Variants in SUCLG2 observed in about 807,000 individuals in gnomAD.
The protein encoded by SUCLG2 is succinate--CoA ligase [GDP-forming] subunit beta, mitochondrial.
A neutral mutation model predicts 47.9 loss-of-function variants in SUCLG2; 42 were observed. That is an observed-to-expected ratio of 0.88 (90% CI 0.69 to 1.14). The LOEUF (loss-of-function observed/expected upper bound fraction) is 1.14, where lower values mean the gene tolerates loss of function less well. Ranked by LOEUF, SUCLG2 falls within the 50% of genes most tolerant of loss-of-function variation. The pLI is 0.00. For synonymous variants in SUCLG2, 195 were observed against 197.3 expected (o/e 0.99, Z 0.10); for missense variants, 571 against 525.9 (o/e 1.09, Z -0.84).
chr3:67,472,910 G>A (rs1226770148), intron 9 of SUCLG2, among the ~76,000 whole-genome samples: 1 of 152,088 alleles, frequency 6.6e-6, no homozygotes, highest in Non-Finnish European at 1.5e-5. Flanking sequence ...AGGCAGCTAA[G>A]TATCTTAAAC....
At chr3:67,564,247 T>C (rs899112658) in intron 2 of SUCLG2, among the ~76,000 whole-genome samples, 2 of 152,186 alleles carry the variant, frequency 1.3e-5, no homozygotes, top group African/African-American at 4.8e-5. Context: ...TGGAAGATTA[T>C]CTCCAAAGTA....
At chr3:67,640,293 A>G (rs1260114437) in intron 1 of SUCLG2, among the ~76,000 whole-genome samples, 2 of 152,214 alleles carry the variant, frequency 1.3e-5, no homozygotes, top group Non-Finnish European at 2.9e-5. Flanking sequence ...CATTTTGCAA[A>G]GTTAAGCATG....
intron 9 of SUCLG2, among the ~76,000 whole-genome samples, chr3:67,469,201 A>G (rs927481667): frequency 6.6e-6 from 1 of 152,234 alleles, no homozygotes; most frequent in Non-Finnish European, 1.5e-5. Flanking sequence ...ATACAGAGTT[A>G]TAAGCTGTGG....
chr3:67,517,928 G>A (rs532788926), intron 6 of SUCLG2, among the ~76,000 whole-genome samples: 3 of 152,236 alleles, frequency 2.0e-5, no homozygotes, highest in Admixed American at 6.5e-5. Flanking sequence ...CGAATGAGCT[G>A]TATCACATGC....
At chr3:67,484,917 G>A (rs1705012604) in intron 9 of SUCLG2, among the ~76,000 whole-genome samples, 1 of 152,140 alleles carries the variant, frequency 6.6e-6, no homozygotes, top group Non-Finnish European at 1.5e-5. Context: ...GAGGTTTTTG[G>A]TAAAATAAAT....
chr3:67,497,793 T>C lies in SUCLG2; in HGVS notation c.919+341A>G, dbSNP rs1227694949. On this transcript the variant is annotated intron_variant, in intron 8 of 10. Transcript: ENST00000307227. Reference sequence around the variant, plus strand: ...CCATTTGGAACTGTCTGAAGACATTTATTTTAATTTATTGATTTACATGGG... The same window carrying C: ...CCATTTGGAACTGTCTGAAGACATTCATTTTAATTTATTGATTTACATGGG... Among the ~76,000 whole-genome samples, 5 of 152,202 alleles carry C rather than the reference T, an allele frequency of 3.3e-5. 1 individual carries two copies. Among genetic ancestry groups the C allele is most frequent in the Middle Eastern group, 6.3e-3 (2 of 316 alleles).
chr3:67,652,118 C>T (rs1163230526), intron 1 of SUCLG2, among the ~76,000 whole-genome samples: 2 of 147,718 alleles, frequency 1.4e-5, no homozygotes, highest in East Asian at 4.0e-4. Context: ...TAAGGACGTA[C>T]TATCAATCAA....
intron 2 of SUCLG2, among the ~76,000 whole-genome samples, chr3:67,563,959 C>CAAAAAAAA (rs756674869): frequency 6.4e-5 from 5 of 77,960 alleles, no homozygotes; most frequent in African/African-American, 9.1e-5. Context: ...GACTCTGTCT[C>CAAAAAAAA]AAAAAAAAAA....
chr3:67,609,653 G>C (rs1700493526), intron 1 of SUCLG2, 57 bp from the exon 2 acceptor site: 1 of 1,563,276 alleles, frequency 6.4e-7, no homozygotes, highest in Non-Finnish European at 8.7e-7. Flanking sequence ...AAAAATAAAA[G>C]TCAACCTACA....
intron 10 of SUCLG2, among the ~76,000 whole-genome samples, chr3:67,368,567 T>C (rs1271502127): frequency 6.6e-6 from 1 of 152,088 alleles, no homozygotes; most frequent in Non-Finnish European, 1.5e-5. Context: ...CACTATTTTA[T>C]ATGTTTCCAT....
At chr3:67,435,431 C>G (rs570920703) in intron 9 of SUCLG2, among the ~76,000 whole-genome samples, 1 of 152,006 alleles carries the variant, frequency 6.6e-6, no homozygotes, top group Non-Finnish European at 1.5e-5. Context: ...CACCACATGG[C>G]GATAATGGGT....
At chr3:67,383,067 A>C (rs1702192004) in intron 10 of SUCLG2, among the ~76,000 whole-genome samples, 1 of 152,042 alleles carries the variant, frequency 6.6e-6, no homozygotes, top group African/African-American at 2.4e-5. Flanking sequence ...CAGAGGCAAA[A>C]CTTCTGCTAT....
chr3:67,389,400 G>A (rs904984214), intron 10 of SUCLG2, among the ~76,000 whole-genome samples: 2 of 152,110 alleles, frequency 1.3e-5, no homozygotes, highest in African/African-American at 4.8e-5. Context: ...AAATGGAGAA[G>A]TTATGGTCAT....
At chr3:67,537,480 T>C (rs1706576865) in intron 2 of SUCLG2, among the ~76,000 whole-genome samples, 1 of 152,232 alleles carries the variant, frequency 6.6e-6, no homozygotes, top group Non-Finnish European at 1.5e-5. Flanking sequence ...TGATGGGCAT[T>C]TGGGTTGGTT....
intron 1 of SUCLG2, among the ~76,000 whole-genome samples, chr3:67,622,321 ATCTT>A (rs1006437681): frequency 3.3e-5 from 5 of 152,208 alleles, no homozygotes; most frequent in African/African-American, 1.2e-4. Context: ...ATAGTAAACA[ATCTT>A]AGGAAGATAC....
intron 9 of SUCLG2, among the ~76,000 whole-genome samples, chr3:67,481,698 G>T (rs1704921480): frequency 6.6e-6 from 1 of 152,152 alleles, no homozygotes; most frequent in Non-Finnish European, 1.5e-5. Context: ...TTTTTATTGA[G>T]CCTTAAAAAG....
intron 2 of SUCLG2, among the ~76,000 whole-genome samples, chr3:67,545,324 T>C (rs1376575111): frequency 2.6e-5 from 4 of 152,186 alleles, no homozygotes; most frequent in Non-Finnish European, 4.4e-5. Flanking sequence ...GTCAATGACA[T>C]GCTGGAGTTA....
At chr3:67,561,345 C>CT (rs1398607611) in intron 2 of SUCLG2, among the ~76,000 whole-genome samples, 1 of 152,046 alleles carries the variant, frequency 6.6e-6, no homozygotes, top group Non-Finnish European at 1.5e-5. Context: ...TGAAGTGGGT[C>CT]TTTAACATCT....
At chr3:67,419,891 C>G (rs373523159) in intron 9 of SUCLG2, among the ~76,000 whole-genome samples, 1 of 152,160 alleles carries the variant, frequency 6.6e-6, no homozygotes, top group Non-Finnish European at 1.5e-5. Flanking sequence ...ACCATTCAAT[C>G]ATTTCACAGA....
Sources: gnomAD v4.1 joint callset for allele counts (sites outside exome capture counted in the v4.1 genomes callset) on GRCh38, gnomAD v4.1.1 for gene constraint, MANE v1.5 for transcripts, NCBI Gene and HGNC (gene_info 2026-07-23, HGNC 2026-07-21) for gene names.